Variants in CELF3 observed in about 807,000 individuals in gnomAD.
CELF3 encodes the protein CUGBP Elav-like family member 3, also known as CAG repeat domain.
CELF3 carries 26 observed loss-of-function variants against 59.6 expected under a neutral mutation model. The observed-to-expected ratio is 0.44, with a 90% CI of 0.32 to 0.61. The LOEUF (loss-of-function observed/expected upper bound fraction) is 0.61, where lower values mean the gene tolerates loss of function less well. CELF3 is among the 20% of genes least tolerant of loss of function. The pLI, the probability that CELF3 is intolerant of heterozygous loss-of-function variation, is 0.06. For synonymous variants in CELF3, 245 were observed against 250.7 expected, an observed-to-expected ratio of 0.98 and a Z score of 0.22; for missense variants, 387 against 627.2, an observed-to-expected ratio of 0.62 and a Z score of 4.09.
At chr1:151,715,688 T>G in intron 1 of CELF3, 188 bp downstream of exon 1, 1 of 1,532,806 alleles carries the variant, frequency 6.5e-7, no homozygotes, top group South Asian at 1.2e-5. Flanking sequence ...CCCTCCTTAG[T>G]CCTTCACCGG....
intron 2 of CELF3, chr1:151,711,248 TGGA>T (rs889947021): frequency 5.1e-6 from 1 of 194,752 alleles, no homozygotes; most frequent in Non-Finnish European, 1.1e-5. Context: ...CTCCAGCATG[TGGA>T]GATCCTGTGT....
rs1311221544 is a variant in CELF3 at position 151,700,211 on chromosome 1, C to T, written c.*3248G>A. ...GAAGAATGAGACACTTACGCATGGC[C>T]ATGATACACAGCAGTGAAAGGTTTA... On this transcript the variant is annotated 3_prime_UTR_variant, in exon 13 of 13. Transcript: ENST00000290583. Among the ~76,000 whole-genome samples, 2 of 151,990 alleles carry T rather than the reference C, an allele frequency of 1.3e-5. No homozygotes were observed. Among genetic ancestry groups the T allele is most frequent in the Non-Finnish European group, 2.9e-5 (2 of 68,024 alleles).
chr1:151,713,929 A>G (rs990858978), intron 2 of CELF3, among the ~76,000 whole-genome samples: 1 of 152,032 alleles, frequency 6.6e-6, no homozygotes, highest in African/African-American at 2.4e-5. Context: ...CTCTGAGGCC[A>G]CCCCTGCCTC....
Position 151,705,895 on chromosome 1 carries a change from C to A in CELF3, c.1197G>T (p.Met399Ile). The A allele has an allele frequency of 6.2e-7, 1 of 1,614,152 alleles. No individual in the cohort carries two copies. Among genetic ancestry groups the A allele is most frequent in the Non-Finnish European group, 8.5e-7 (1 of 1,180,002 alleles). ...AGATGACGTGGCCAAAGGGGACAAA[C>A]ATCTGGAGGATCTCTGAGTCAGTGA... ...QEFTDSEILQ[M>I]FVPFGHVISA... The change falls in exon 11 of 13, where the codon ATG becomes ATT. Residue 399 changes from methionine to isoleucine, a missense_variant. This residue lies in a region of CELF3 where 48 missense variants were observed against 118.8 expected (regional missense o/e 0.40). Coordinates refer to ENST00000290583, the MANE Select transcript of CELF3 (RefSeq NM_007185.7). The surrounding 1 kb of genome is among the most constrained non-coding windows in gnomAD (Gnocchi z 5.1).
chr1:151,710,723 T>A (rs980216468), intron 2 of CELF3: 1 of 456,402 alleles, frequency 2.2e-6, no homozygotes, highest in Non-Finnish European at 4.4e-6. Context: ...TCCAGAGCTC[T>A]AACCTCTCCC....
At chr1:151,708,704 T>C (rs1460636919) in intron 5 of CELF3, among the ~76,000 whole-genome samples, 1 of 136,056 alleles carries the variant, frequency 7.3e-6, no homozygotes, top group Non-Finnish European at 1.6e-5. Context: ...TAGGGGGATA[T>C]GGGAAGGCTG....
At chr1:151,708,580 A>G (rs1013522300) in intron 5 of CELF3, among the ~76,000 whole-genome samples, 6 of 152,176 alleles carry the variant, frequency 3.9e-5, no homozygotes, top group South Asian at 2.1e-4. Flanking sequence ...GCCAGTTCCA[A>G]TTTAGAGGTG....
chr1:151,715,522 G>A (rs540967997), intron 1 of CELF3: 114 of 803,470 alleles, frequency 1.4e-4, no homozygotes, highest in Middle Eastern at 2.7e-4. Flanking sequence ...TGCTGCACAC[G>A]CACACACACA....
rs368342140 is a variant in CELF3, at chr1:151,706,714, C to T, written c.943G>A (p.Val315Met). The change falls in exon 9 of 13, where the codon GTG (valine) becomes ATG (methionine). Residue 315 changes from valine to methionine, a missense_variant. Coordinates refer to ENST00000290583, the MANE Select transcript of CELF3 (RefSeq NM_007185.7). ...PYPAQSPAAP[V>M]DPLQQAYAGM... is the part of the protein sequence containing the mutation. ...GCGTAGGCCTGCTGCAGGGGGTCCA[C>T]GGGGGCCGCGGGGCTCTGGGCTGGG... 40 of 1,550,354 alleles carry T rather than the reference C, an allele frequency of 2.6e-5. No homozygotes were observed. Among genetic ancestry groups the T allele is most frequent in the South Asian group, 4.8e-5 (4 of 83,998 alleles).
intron 12 of CELF3, among the ~76,000 whole-genome samples, chr1:151,703,879 G>A (rs1255632535): frequency 1.3e-5 from 2 of 152,126 alleles, no homozygotes; most frequent in East Asian, 3.9e-4. Flanking sequence ...CACGGCTCAG[G>A]GATGGAGTCT....
rs940646027 is a variant in CELF3, at chr1:151,709,155, G to A, written c.406+65C>T. On this transcript the variant is annotated intron_variant, in intron 4 of 12. Coordinates refer to ENST00000290583, the MANE Select transcript of CELF3 (RefSeq NM_007185.7). The surrounding 1 kb of genome is among the most constrained non-coding windows in gnomAD (Gnocchi z 4.9). ...CCCCGCGGTGGAACCCGATGCCTAGGGAGTCTTGGGGGTGGAACAGGAAGG... is the reference window on the plus strand; with the variant it reads ...CCCCGCGGTGGAACCCGATGCCTAGAGAGTCTTGGGGGTGGAACAGGAAGG... 3 of 1,606,634 alleles carry A rather than the reference G, an allele frequency of 1.9e-6. No homozygotes were observed. The highest frequency in any genetic ancestry group is 2.2e-5 in the South Asian group (2 of 90,796).
chr1:151,713,278 C>T (rs563946896), intron 2 of CELF3, among the ~76,000 whole-genome samples: 1 of 152,286 alleles, frequency 6.6e-6, no homozygotes, highest in South Asian at 2.1e-4. Flanking sequence ...CAGGTGGTGC[C>T]TCTCCACACC....
At position 151,701,321 on chromosome 1, in the gene CELF3, G is replaced by A. The variant is rs988925961; in HGVS notation, c.*2138C>T. Among the ~76,000 whole-genome samples, 2 of 152,150 alleles carry A rather than the reference G, an allele frequency of 1.3e-5. No homozygotes were observed. Among genetic ancestry groups the A allele is most frequent in the Non-Finnish European group, 2.9e-5 (2 of 68,040 alleles). Reference sequence around the variant, plus strand: ...AGCCTAGAAGCACATGTTCTATGAAGTCAAAGAAGACACCTGTGTGATCCT... The same window carrying A: ...AGCCTAGAAGCACATGTTCTATGAAATCAAAGAAGACACCTGTGTGATCCT... On this transcript the variant is annotated 3_prime_UTR_variant, in exon 13 of 13. Coordinates refer to ENST00000290583, the MANE Select transcript of CELF3 (RefSeq NM_007185.7).
chr1:151,707,735 T>C, intron 6 of CELF3, 57 bp downstream of exon 6: 1 of 1,597,316 alleles, frequency 6.3e-7, no homozygotes, highest in Non-Finnish European at 8.5e-7. Flanking sequence ...ATCGGGAGGG[T>C]GGGGGCAAGA....
At position 151,709,989 on chromosome 1, in the gene CELF3, A is replaced by G. The variant is rs1672879963; in HGVS notation, c.229-198T>C. 1.6e-6 allele frequency: 1 copy of G among 609,048 alleles called. No homozygotes were observed. The highest frequency in any genetic ancestry group is 2.7e-5 in the Admixed American group (1 of 37,412). 37.7% of individuals were successfully genotyped at this position (609,048 alleles called of 1,614,324 possible). On this transcript the variant is annotated intron_variant, in intron 2 of 12. Transcript: ENST00000290583. This position sits in a 1 kb window ranked among gnomAD's most constrained non-coding sequence, Gnocchi z 4.9. ...AGAGGCACAGAGAGAGAGGATGTAG[A>G]GGGAGAGGCTCATGGGCACAGCTCC... is the stretch of plus-strand genomic sequence containing the variant.
Position 151,701,034 on chromosome 1 carries a change from T to A in CELF3, c.*2425A>T, listed in dbSNP as rs1672048573. ...TAACTTTTAAAAGATGACTCTTGGC[T>A]TCTTGGGAGAACAAATTGTAGGAGA... On this transcript the variant is annotated 3_prime_UTR_variant, in exon 13 of 13. Transcript: ENST00000290583. 1 of 152,352 alleles carries A rather than the reference T, an allele frequency of 6.6e-6. No homozygotes were observed. The highest frequency in any genetic ancestry group is 2.1e-4 in the South Asian group (1 of 4,832). The allele number at this position is 152,352 out of a possible 1,614,324, so 9.4% of individuals were successfully genotyped here. A position where few individuals can be genotyped will look rare whatever the true frequency, so the allele number is the denominator to read the frequency against.
Position 151,706,411 on chromosome 1 carries a change from G to A in CELF3, c.989-50C>T, listed in dbSNP as rs1672544308. ...TGATGGGGCTTCCCTGACTTCTTGA[G>A]CCCTCCCAGCCAACCCTGTCTCCCT... On this transcript the variant is annotated intron_variant, in intron 9 of 12. Transcript: ENST00000290583. 4 of 1,491,694 alleles carry A rather than the reference G, an allele frequency of 2.7e-6. No homozygotes were observed. In the East Asian group the frequency reaches 9.9e-5, roughly 37 times the overall value. 92.4% of individuals were successfully genotyped at this position (1,491,694 alleles called of 1,614,324 possible). A position where few individuals can be genotyped will look rare whatever the true frequency, so the allele number is the denominator to read the frequency against.
In CELF3 at chr1:151,715,826, C is replaced by G. The variant is rs374236239; in HGVS notation, c.145+50G>C. On this transcript the variant is annotated intron_variant, in intron 1 of 12. Coordinates refer to ENST00000290583, the MANE Select transcript of CELF3 (RefSeq NM_007185.7). ...CCCCTCCAGCCTGGCTTAACTTCCC[C>G]CAGCCTCCCAGCCCACCCCGAAGCC... The G allele has an allele frequency of 1.6e-5, 26 of 1,596,144 alleles. No individual in the cohort carries two copies. The African/African-American group carries it at 2.4e-4, about 15-fold the overall frequency.
chr1:151,706,492 C>T (rs907300586), intron 9 of CELF3, 131 bp from the exon 10 acceptor site: 2 of 1,179,376 alleles, frequency 1.7e-6, no homozygotes, highest in Non-Finnish European at 1.2e-6. Flanking sequence ...AGGGAAGGAG[C>T]TGCCTCAGAC....
Sources: gnomAD v4.1 joint callset for allele counts (sites outside exome capture counted in the v4.1 genomes callset) on GRCh38, gnomAD v4.1.1 for gene constraint, gnomAD v4.1.1 regional missense constraint, Gnocchi (gnomAD v3.1) non-coding constraint, MANE v1.5 for transcripts, NCBI Gene and HGNC (gene_info 2026-07-23, HGNC 2026-07-21) for gene names.